The following HMBOX1 variants were observed in gnomAD, a reference collection of about 807,000 sequenced individuals.
HMBOX1 encodes homeobox-containing protein 1.
Under a neutral mutation model 54.5 loss-of-function variants are expected in HMBOX1, and 14 were observed. The ratio of observed to expected loss-of-function variants is 0.26; its 90% confidence interval spans 0.17 to 0.40. The LOEUF (loss-of-function observed/expected upper bound fraction) is 0.40. HMBOX1 is among the 10% of genes least tolerant of loss of function. The pLI, the probability that HMBOX1 is intolerant of heterozygous loss-of-function variation, is 1.00. For synonymous variants in HMBOX1, 160 were observed against 181.0 expected (o/e 0.88, Z 0.93); for missense variants, 332 against 514.4 (o/e 0.65, Z 3.43).
At chr8:29,008,980 A>G (rs1332998358) in intron 4 of HMBOX1, 92 bp from the exon 5 acceptor site, 2 of 941,246 alleles carry the variant, frequency 2.1e-6, no homozygotes, top group African/African-American at 3.3e-5. Flanking sequence ...GACACAGAGA[A>G]TAAAGCACCC....
intron 1 of HMBOX1, among the ~76,000 whole-genome samples, chr8:28,951,483 T>C (rs900535525): frequency 1.3e-5 from 2 of 152,162 alleles, no homozygotes; most frequent in Admixed American, 1.3e-4. Flanking sequence ...AATCAATATA[T>C]AATATGTCAA....
At chr8:28,912,320 G>T (rs890568020) in intron 1 of HMBOX1, among the ~76,000 whole-genome samples, 1 of 152,060 alleles carries the variant, frequency 6.6e-6, no homozygotes, top group Non-Finnish European at 1.5e-5. Flanking sequence ...TGAAAAATAG[G>T]TACTCCATCT....
intron 3 of HMBOX1, among the ~76,000 whole-genome samples, chr8:28,973,288 G>A (rs1827750533): frequency 6.6e-6 from 1 of 152,154 alleles, no homozygotes; most frequent in South Asian, 2.1e-4. Flanking sequence ...ATATTAAGTG[G>A]CAGAGCCTAA....
chr8:29,010,667 A>T, intron 5 of HMBOX1, among the ~76,000 whole-genome samples: 1 of 151,994 alleles, frequency 6.6e-6, no homozygotes, highest in Non-Finnish European at 1.5e-5. Context: ...AAGAATAAAG[A>T]TAATCTGTAT....
chr8:28,945,252 A>G (rs1246681554), intron 1 of HMBOX1, among the ~76,000 whole-genome samples: 1 of 152,234 alleles, frequency 6.6e-6, no homozygotes, highest in Non-Finnish European at 1.5e-5. Flanking sequence ...CCCTTGAGGA[A>G]GATATCATTG....
chr8:28,917,208 A>G (rs1042073624), intron 1 of HMBOX1, among the ~76,000 whole-genome samples: 2 of 152,140 alleles, frequency 1.3e-5, no homozygotes, highest in South Asian at 2.1e-4. Context: ...GTCCATGAAC[A>G]CTGTATATCT....
At chr8:29,017,914 C>T (rs28521059) in intron 5 of HMBOX1, among the ~76,000 whole-genome samples, 2,960 of 152,166 alleles carry the variant, frequency 0.019, 91 homozygotes, top group African/African-American at 0.068. Context: ...ATTGCATAAA[C>T]CTACATGTTC....
At chr8:28,925,317 C>T (rs939184514) in intron 1 of HMBOX1, among the ~76,000 whole-genome samples, 1 of 152,038 alleles carries the variant, frequency 6.6e-6, no homozygotes, top group African/African-American at 2.4e-5. Context: ...GGGAGAATAA[C>T]CCAAGGTTTG....
chr8:29,010,199 C>T, intron 5 of HMBOX1: 1 of 909,864 alleles, frequency 1.1e-6, no homozygotes, highest in Non-Finnish European at 1.3e-6. Context: ...TGAAATGTTT[C>T]AGATGTACAG....
chr8:28,947,741 T>G (rs1290578630), intron 1 of HMBOX1, among the ~76,000 whole-genome samples: 1 of 152,212 alleles, frequency 6.6e-6, no homozygotes. Context: ...AATTTTCTAA[T>G]GTAGATTCTC....
intron 1 of HMBOX1, among the ~76,000 whole-genome samples, chr8:28,926,304 T>TACACACACACACAC (rs10699056): frequency 9.1e-4 from 129 of 142,204 alleles, no homozygotes; most frequent in African/African-American, 3.0e-3. Context: ...TATATATATA[T>TACACACACACACAC]ACACACACAC....
intron 4 of HMBOX1, among the ~76,000 whole-genome samples, chr8:28,982,250 A>T (rs1025366457): frequency 5.9e-5 from 9 of 152,182 alleles, no homozygotes; most frequent in Non-Finnish European, 1.2e-4. Flanking sequence ...AAAACAAAAA[A>T]TACTGAATAC....
Position 29,031,532 on chromosome 8 carries a change from A to ATT in HMBOX1, c.851+12630_851+12631dup, listed in dbSNP as rs199629952. Among the ~76,000 whole-genome samples the ATT allele has an allele frequency of 1.7e-3, 252 of 146,424 alleles. 1 individual carries two copies. Among genetic ancestry groups the ATT allele is most frequent in the African/African-American group, 5.0e-3 (201 of 40,100 alleles). ...ATAGTCTGTACATTTTTTTCTTGTC[A>ATT]TTTTTTTTTTTTCTGATGACATAGT... On this transcript the variant is annotated intron_variant, in intron 6 of 9. Transcript: ENST00000287701.
chr8:29,010,963 T>A (rs897462062), intron 5 of HMBOX1, among the ~76,000 whole-genome samples: 4 of 152,218 alleles, frequency 2.6e-5, no homozygotes, highest in African/African-American at 9.6e-5. Flanking sequence ...TTCTTTATCT[T>A]CTGTATTTCT....
At chr8:28,903,307 G>A (rs1262856877) in intron 1 of HMBOX1, among the ~76,000 whole-genome samples, 1 of 152,200 alleles carries the variant, frequency 6.6e-6, no homozygotes, top group East Asian at 1.9e-4. Context: ...CCTTTGAAAG[G>A]GAATAATCCT....
At chr8:28,899,421 C>T (rs948661182) in intron 1 of HMBOX1, among the ~76,000 whole-genome samples, 1 of 152,180 alleles carries the variant, frequency 6.6e-6, no homozygotes, top group Non-Finnish European at 1.5e-5. Context: ...CTGGAACATT[C>T]TCATAGGCAC....
At chr8:28,904,680 CTCTT>C (rs1470237393) in intron 1 of HMBOX1, among the ~76,000 whole-genome samples, 1 of 150,418 alleles carries the variant, frequency 6.6e-6, no homozygotes, top group Admixed American at 6.6e-5. Context: ...ACTCTTCACA[CTCTT>C]TTTTTTTTTT....
intron 4 of HMBOX1, among the ~76,000 whole-genome samples, chr8:28,993,726 C>T (rs1289262250): frequency 1.3e-5 from 2 of 152,096 alleles, no homozygotes; most frequent in Non-Finnish European, 2.9e-5. Context: ...CTGTACCGGC[C>T]AGATTCAATT....
intron 4 of HMBOX1, 51 bp downstream of exon 4, chr8:28,980,207 C>T: frequency 7.7e-7 from 1 of 1,304,828 alleles, no homozygotes; most frequent in Admixed American, 1.7e-5. Flanking sequence ...TCTCTGCCTT[C>T]TGGTGCAGAT....
Sources: gnomAD v4.1 joint callset for allele counts (sites outside exome capture counted in the v4.1 genomes callset) on GRCh38, gnomAD v4.1.1 for gene constraint, MANE v1.5 for transcripts, NCBI Gene and HGNC (gene_info 2026-07-23, HGNC 2026-07-21) for gene names.